CTNNA3: variants seen among roughly 807,000 people sequenced by gnomAD.
CTNNA3 encodes the protein catenin alpha-3.
A neutral mutation model predicts 95.7 loss-of-function variants in CTNNA3; 76 were observed. That is an observed-to-expected ratio of 0.79 (90% CI 0.66 to 0.96). CTNNA3 has a LOEUF of 0.96. CTNNA3 is among the 40% of genes least tolerant of loss of function. The pLI, the probability that CTNNA3 is intolerant of heterozygous loss-of-function variation, is 0.00. For synonymous variants in CTNNA3, 431 were observed against 374.4 expected, an observed-to-expected ratio of 1.15 and a Z score of -1.74; for missense variants, 1,191 against 1,089.8, an observed-to-expected ratio of 1.09 and a Z score of -1.31.
At chr10:67,411,439 T>C (rs1352401360) in intron 5 of CTNNA3, among the ~76,000 whole-genome samples, 1 of 152,152 alleles carries the variant, frequency 6.6e-6, no homozygotes, top group Middle Eastern at 3.2e-3. Flanking sequence ...ATTGACTCAA[T>C]TCCTTTTTAT....
At chr10:67,154,747 G>C (rs1444762973) in intron 7 of CTNNA3, among the ~76,000 whole-genome samples, 1 of 152,004 alleles carries the variant, frequency 6.6e-6, no homozygotes, top group African/African-American at 2.4e-5. Flanking sequence ...GTATGGCCCA[G>C]CATGACCCCT....
At chr10:66,097,108 A>T (rs531117459) in intron 14 of CTNNA3, among the ~76,000 whole-genome samples, 1 of 152,336 alleles carries the variant, frequency 6.6e-6, no homozygotes. Context: ...ATCATTAAGA[A>T]TCACAATGCC....
At chr10:66,306,837 G>A (rs1166474853) in intron 12 of CTNNA3, among the ~76,000 whole-genome samples, 3 of 152,126 alleles carry the variant, frequency 2.0e-5, no homozygotes, top group Admixed American at 6.5e-5. Context: ...ATCATGGAAC[G>A]ACACTCACTA....
At chr10:66,691,526 G>T (rs981024578) in intron 9 of CTNNA3, among the ~76,000 whole-genome samples, 9 of 152,024 alleles carry the variant, frequency 5.9e-5, no homozygotes, top group Non-Finnish European at 5.9e-5. Context: ...CCACCTCTGG[G>T]GGCAGGGCAC....
chr10:66,269,012 G>T (rs2091219698), intron 13 of CTNNA3, among the ~76,000 whole-genome samples: 1 of 152,054 alleles, frequency 6.6e-6, no homozygotes, highest in Admixed American at 6.6e-5. Context: ...GAGATCTGGG[G>T]GTTGTATTAC....
chr10:66,314,376 T>C lies in CTNNA3; in HGVS notation c.1733-33755A>G, dbSNP rs145444125. 2.8e-3 allele frequency among the ~76,000 whole-genome samples: 416 copies of C among 150,608 alleles called. 2 individuals are homozygous for C. The highest frequency in any genetic ancestry group is 9.6e-3 in the African/African-American group (399 of 41,486). On this transcript the variant is annotated intron_variant, in intron 12 of 17. Transcript: ENST00000433211. Reference sequence around the variant, plus strand: ...TTTGTATATAAAATCTTTCTAATTATAGGTAGCAAAAATTAATTTAAAAAT... The same window carrying C: ...TTTGTATATAAAATCTTTCTAATTACAGGTAGCAAAAATTAATTTAAAAAT...
chr10:66,702,074 ATT>A (rs976334330), intron 9 of CTNNA3, among the ~76,000 whole-genome samples: 3 of 152,072 alleles, frequency 2.0e-5, no homozygotes, highest in Non-Finnish European at 4.4e-5. Flanking sequence ...ATAAGCAACA[ATT>A]TTCTTAACTT....
intron 10 of CTNNA3, among the ~76,000 whole-genome samples, chr10:66,584,163 G>C (rs1843285136): frequency 6.6e-6 from 1 of 151,750 alleles, no homozygotes; most frequent in Non-Finnish European, 1.5e-5. Context: ...GTAGTTCTTG[G>C]GTAGAATGTT....
intron 11 of CTNNA3, among the ~76,000 whole-genome samples, chr10:66,435,010 G>C (rs1359076459): frequency 6.6e-6 from 1 of 151,804 alleles, no homozygotes; most frequent in African/African-American, 2.4e-5. Context: ...TGATTGTGGT[G>C]GATAAGCTTT....
At chr10:67,700,376 C>A (rs993423885), upstream of CTNNA3, among the ~76,000 whole-genome samples, 2 of 152,202 alleles carry the variant, frequency 1.3e-5, no homozygotes, top group Non-Finnish European at 2.9e-5. Context: ...GAGGCACCCC[C>A]CAGTAGGGGC....
chr10:66,522,033 T>C (rs1446126671), intron 10 of CTNNA3, among the ~76,000 whole-genome samples: 2 of 152,174 alleles, frequency 1.3e-5, no homozygotes, highest in Non-Finnish European at 2.9e-5. Flanking sequence ...AAGATGTCTA[T>C]GGTGTTGGCT....
chr10:66,042,147 G>A (rs553883394), intron 15 of CTNNA3, among the ~76,000 whole-genome samples: 10 of 152,168 alleles, frequency 6.6e-5, no homozygotes, highest in East Asian at 1.9e-4. Flanking sequence ...CACCTCCTCC[G>A]TCAATTCTTA....
At chr10:67,449,199 A>C (rs1846872395) in intron 5 of CTNNA3, among the ~76,000 whole-genome samples, 1 of 152,156 alleles carries the variant, frequency 6.6e-6, no homozygotes, top group Non-Finnish European at 1.5e-5. Flanking sequence ...AACAAATGGA[A>C]AAACATTCCA....
At chr10:66,924,862 G>C (rs1846981554) in intron 7 of CTNNA3, among the ~76,000 whole-genome samples, 1 of 152,280 alleles carries the variant, frequency 6.6e-6, no homozygotes, top group East Asian at 1.9e-4. Context: ...GGGAAGGTAA[G>C]TAACGCGCTT....
chr10:67,110,468 T>A (rs1373356272), intron 7 of CTNNA3, among the ~76,000 whole-genome samples: 1 of 152,134 alleles, frequency 6.6e-6, no homozygotes, highest in Non-Finnish European at 1.5e-5. Flanking sequence ...GGGAGCAGGA[T>A]GGAATGATGA....
At chr10:67,673,572 G>A (rs557409874) in intron 1 of CTNNA3, among the ~76,000 whole-genome samples, 1 of 146,682 alleles carries the variant, frequency 6.8e-6, no homozygotes, top group East Asian at 2.1e-4. Flanking sequence ...TAGCATGAAG[G>A]GTTGTTGAAT....
intron 12 of CTNNA3, among the ~76,000 whole-genome samples, chr10:66,309,685 C>CAAAAAAAAAAAAAAAAAAAAA (rs60400266): frequency 2.4e-5 from 1 of 41,770 alleles, no homozygotes; most frequent in African/African-American, 8.5e-5. Flanking sequence ...GACTCCGTCT[C>CAAAAAAAAAAAAAAAAAAAAA]AAAAAAAAAA....
chr10:67,056,017 T>G (rs74141778), intron 7 of CTNNA3, among the ~76,000 whole-genome samples: 1,616 of 152,226 alleles, frequency 0.011, 36 homozygotes, highest in African/African-American at 0.037. Context: ...TTTTGCCACA[T>G]GTAATATATG....
intron 5 of CTNNA3, among the ~76,000 whole-genome samples, chr10:67,385,711 T>C (rs1431668740): frequency 1.3e-5 from 2 of 152,134 alleles, no homozygotes; most frequent in Non-Finnish European, 2.9e-5. Context: ...AACTTGAGCA[T>C]TCTGAGCGCA....
Sources: gnomAD v4.1 joint callset for allele counts (sites outside exome capture counted in the v4.1 genomes callset) on GRCh38, gnomAD v4.1.1 for gene constraint, MANE v1.5 for transcripts, NCBI Gene and HGNC (gene_info 2026-07-23, HGNC 2026-07-21) for gene names.